The following CIB2 variants were observed in gnomAD, a reference collection of about 807,000 sequenced individuals.
The protein encoded by CIB2 is calcium and integrin binding family member 2.
Under a neutral mutation model 23.1 loss-of-function variants are expected in CIB2, and 19 were observed. The observed-to-expected ratio is 0.82, with a 90% CI of 0.57 to 1.21. CIB2 has a LOEUF of 1.21. Among genes scored for constraint, CIB2 ranks in the 50% most tolerant of loss-of-function variants. The pLI is 0.00. For missense variants in CIB2, 220 were observed against 241.5 expected, an observed-to-expected ratio of 0.91 and a Z score of 0.59; for synonymous variants, 94 against 91.7, an observed-to-expected ratio of 1.03 and a Z score of -0.14.
At chr15:78,123,123 C>T (rs1596360946) in intron 2 of CIB2, among the ~76,000 whole-genome samples, 1 of 152,256 alleles carries the variant, frequency 6.6e-6, no homozygotes, top group East Asian at 1.9e-4. Context: ...CCATCAACAC[C>T]AAGGAGAAGG....
intron 2 of CIB2, among the ~76,000 whole-genome samples, chr15:78,120,020 C>A (rs753063698): frequency 1.4e-4 from 21 of 151,940 alleles, no homozygotes; most frequent in Non-Finnish European, 2.5e-4. Flanking sequence ...CCCACCTCAG[C>A]CTCCCAAGGA....
intron 4 of CIB2, 127 bp from the exon 5 acceptor site, chr15:78,106,061 A>C: frequency 8.1e-6 from 6 of 741,686 alleles, no homozygotes; most frequent in Non-Finnish European, 1.3e-5. Flanking sequence ...GAGCATCTCC[A>C]TGCACACTCT....
At chr15:78,118,123 T>TAA (rs1246920680) in intron 2 of CIB2, among the ~76,000 whole-genome samples, 1 of 152,150 alleles carries the variant, frequency 6.6e-6, no homozygotes, top group African/African-American at 2.4e-5. Flanking sequence ...CGCAAGATGT[T>TAA]AAATGAAAAA....
At chr15:78,108,687 C>A (rs1240983773) in intron 4 of CIB2, among the ~76,000 whole-genome samples, 1 of 152,212 alleles carries the variant, frequency 6.6e-6, no homozygotes, top group Non-Finnish European at 1.5e-5. Context: ...CACCTCAAAG[C>A]TGCTGAGTGA....
At chr15:78,126,144 C>G (rs1000588481) in intron 1 of CIB2, among the ~76,000 whole-genome samples, 99 of 144,034 alleles carry the variant, frequency 6.9e-4, no homozygotes, top group African/African-American at 2.6e-3. Context: ...TCCCCTGCCC[C>G]CCCCCCTTTT....
At chr15:78,107,107 C>A (rs1208316227) in intron 4 of CIB2, among the ~76,000 whole-genome samples, 3 of 151,662 alleles carry the variant, frequency 2.0e-5, no homozygotes, top group African/African-American at 7.3e-5. Context: ...TGGTGGTGGA[C>A]GCCTGTAGTC....
intron 1 of CIB2, among the ~76,000 whole-genome samples, chr15:78,128,853 G>A (rs545410873): frequency 6.6e-6 from 1 of 152,310 alleles, no homozygotes; most frequent in East Asian, 1.9e-4. Flanking sequence ...GGCCCTGGCT[G>A]TCGTGATGGA....
intron 2 of CIB2, among the ~76,000 whole-genome samples, chr15:78,121,786 C>A (rs2005217): frequency 0.029 from 4,476 of 152,262 alleles, 280 homozygotes; most frequent in East Asian, 0.21. Context: ...CAGTCTCAGG[C>A]AGTTCTTTAT....
chr15:78,112,200 A>G (rs1291825151), intron 2 of CIB2, among the ~76,000 whole-genome samples: 2 of 151,740 alleles, frequency 1.3e-5, no homozygotes, highest in Non-Finnish European at 2.9e-5. Context: ...TCTTTGCCCT[A>G]TGTCCACTTG....
At position 78,123,741 on chromosome 15, in the gene CIB2, T is replaced by G; in HGVS notation, c.52-2A>C. ...CTTCTTATTGAAGAAGGTGCAGTCC[T>G]GTTGAGGGAAAACACACAACACACA... is the stretch of plus-strand genomic sequence containing the variant. On this transcript the variant is annotated splice_acceptor_variant, in intron 1 of 5. Coordinates refer to ENST00000258930, the MANE Select transcript of CIB2 (RefSeq NM_006383.4). LOFTEE classifies it high-confidence loss of function. The G allele has an allele frequency of 6.2e-7, 1 of 1,614,134 alleles. No individual in the cohort carries two copies. Among genetic ancestry groups the G allele is most frequent in the Non-Finnish European group, 8.5e-7 (1 of 1,179,984 alleles).
intron 2 of CIB2, among the ~76,000 whole-genome samples, chr15:78,122,788 G>T (rs1347007663): frequency 6.6e-6 from 1 of 152,242 alleles, no homozygotes; most frequent in African/African-American, 2.4e-5. Context: ...CCCTGCCCAT[G>T]CAGGTGACAG....
rs1555425899 is a variant in CIB2, at chr15:78,109,474, G to A, written c.199-92C>T. The A allele has an allele frequency of 6.9e-7, 1 of 1,459,730 alleles. No homozygotes were observed. The highest frequency in any genetic ancestry group is 1.7e-5 in the Admixed American group (1 of 59,332). 90.4% of individuals were successfully genotyped at this position (1,459,730 alleles called of 1,614,324 possible). Reference sequence around the variant, plus strand: ...GTGGACAGCCTGTGTGACCCTGGAGGAGTGACCAAATCCCTCTGAGCCTCG... The same window carrying A: ...GTGGACAGCCTGTGTGACCCTGGAGAAGTGACCAAATCCCTCTGAGCCTCG... On this transcript the variant is annotated intron_variant, in intron 3 of 5. Transcript: ENST00000258930.
intron 1 of CIB2, among the ~76,000 whole-genome samples, chr15:78,128,846 C>A (rs1478891953): frequency 6.6e-6 from 1 of 152,054 alleles, no homozygotes; most frequent in Non-Finnish European, 1.5e-5. Context: ...AGCCCAGGGC[C>A]CTGGCTGTCG....
rs1006717827 is a variant in CIB2 at position 78,104,979 on chromosome 15, C to T, written c.*332G>A. Reference sequence around the variant, plus strand: ...CACTTGGACACGTCAGACCCCACCACCTCCTGTTGGGTTATCTGCTTTTCC... The same window carrying T: ...CACTTGGACACGTCAGACCCCACCATCTCCTGTTGGGTTATCTGCTTTTCC... On this transcript the variant is annotated 3_prime_UTR_variant, in exon 6 of 6. Coordinates refer to ENST00000258930, the MANE Select transcript of CIB2 (RefSeq NM_006383.4). The surrounding 1 kb of genome is among the most constrained non-coding windows in gnomAD (Gnocchi z 4.4). 45 of 359,284 alleles carry T rather than the reference C, an allele frequency of 1.3e-4. No homozygotes were observed. The highest frequency in any genetic ancestry group is 9.4e-4 in the African/African-American group (44 of 46,756). 22.3% of individuals were successfully genotyped at this position (359,284 alleles called of 1,614,324 possible). A position where few individuals can be genotyped will look rare whatever the true frequency, so the allele number is the denominator to read the frequency against.
chr15:78,124,417 G>T (rs371779879), intron 1 of CIB2, among the ~76,000 whole-genome samples: 1 of 151,962 alleles, frequency 6.6e-6, no homozygotes, highest in Non-Finnish European at 1.5e-5. Flanking sequence ...TACTCCAGGT[G>T]GGGGGCAGCA....
chr15:78,110,773 G>A (rs961507617), intron 3 of CIB2: 2 of 458,570 alleles, frequency 4.4e-6, no homozygotes, highest in African/African-American at 2.0e-5. Flanking sequence ...GTACGTTAAA[G>A]TCTGAGAAAT....
intron 4 of CIB2, among the ~76,000 whole-genome samples, chr15:78,106,978 C>T (rs935358610): frequency 3.3e-5 from 5 of 151,936 alleles, no homozygotes; most frequent in African/African-American, 1.2e-4. Context: ...CCTGTAATCC[C>T]AGCACTTTGC....
intron 2 of CIB2, among the ~76,000 whole-genome samples, chr15:78,121,017 T>C (rs1007648233): frequency 3.9e-5 from 6 of 152,014 alleles, no homozygotes. Flanking sequence ...GGAGGGGCAG[T>C]CAGTCATGCT....
chr15:78,118,606 A>T (rs940923095), intron 2 of CIB2, among the ~76,000 whole-genome samples: 2 of 151,890 alleles, frequency 1.3e-5, no homozygotes, highest in Admixed American at 6.6e-5. Context: ...AAAAAAAAAA[A>T]ATTGTGATAA....
Sources: gnomAD v4.1 joint callset for allele counts (sites outside exome capture counted in the v4.1 genomes callset) on GRCh38, gnomAD v4.1.1 for gene constraint, Gnocchi (gnomAD v3.1) non-coding constraint, MANE v1.5 for transcripts, NCBI Gene and HGNC (gene_info 2026-07-23, HGNC 2026-07-21) for gene names.